Variants in RRM1 observed in about 807,000 individuals in gnomAD.
The protein encoded by RRM1 is ribonucleotide reductase catalytic subunit M1, also known as ribonucleoside-diphosphate reductase large subunit.
RRM1 carries 19 observed loss-of-function variants against 101.5 expected under a neutral mutation model. The ratio of observed to expected loss-of-function variants is 0.19; its 90% CI spans 0.13 to 0.27. The LOEUF is 0.27. Ranked by LOEUF, RRM1 falls within the 10% of genes least tolerant of loss-of-function variation. The pLI is 1.00. For missense variants in RRM1, 500 were observed against 962.9 expected, an observed-to-expected ratio of 0.52 and a Z score of 6.36; for synonymous variants, 298 against 323.4, an observed-to-expected ratio of 0.92 and a Z score of 0.84.
At chr11:4,106,325 G>A (rs1348415305) in intron 3 of RRM1, 102 bp downstream of exon 3, 5 of 1,052,374 alleles carry the variant, frequency 4.8e-6, no homozygotes, top group African/African-American at 4.7e-5. Flanking sequence ...ATGGCTAGAT[G>A]GGGTGGCTTA....
chr11:4,109,387 C>T (rs906870258), intron 4 of RRM1, among the ~76,000 whole-genome samples: 1 of 151,940 alleles, frequency 6.6e-6, no homozygotes, highest in Non-Finnish European at 1.5e-5. Context: ...TTTAATCTCA[C>T]AACATATATT....
chr11:4,094,836 A>G lies in RRM1; in HGVS notation c.-177A>G. ...CACGGGTGGCGGGCGCGGGAAGGGG[A>G]TTTGGATTGTTGCGCCTCTGCTCTG... On this transcript the variant is annotated 5_prime_UTR_variant, in exon 1 of 19. Coordinates refer to ENST00000300738, the MANE Select transcript of RRM1 (RefSeq NM_001033.5). 1.5e-6 allele frequency: 1 copy of G among 646,264 alleles called. No homozygotes were observed. The highest frequency in any genetic ancestry group is 1.9e-5 in the South Asian group (1 of 51,936). 40.0% of individuals were successfully genotyped at this position (646,264 alleles called of 1,614,324 possible). A position where few individuals can be genotyped will look rare whatever the true frequency, so the allele number is the denominator to read the frequency against.
chr11:4,107,665 T>C (rs2094560090), intron 4 of RRM1, 130 bp downstream of exon 4: 2 of 619,888 alleles, frequency 3.2e-6, no homozygotes, highest in Non-Finnish European at 5.7e-6. Flanking sequence ...GATTCCTGAT[T>C]TTCCTCTCTA....
At chr11:4,123,850 A>G (rs2094585472) in intron 12 of RRM1, among the ~76,000 whole-genome samples, 1 of 152,166 alleles carries the variant, frequency 6.6e-6, no homozygotes, top group Admixed American at 6.5e-5. Context: ...CAACAAAAGT[A>G]TGTAAGCTTA....
intron 5 of RRM1, among the ~76,000 whole-genome samples, chr11:4,110,815 C>G (rs2094564374): frequency 6.6e-6 from 1 of 150,992 alleles, no homozygotes; most frequent in Non-Finnish European, 1.5e-5. Context: ...AGGCACTGCT[C>G]TAAACAACAT....
chr11:4,101,569 G>A lies in RRM1; in HGVS notation c.20-424G>A, dbSNP rs568122103. On this transcript the variant is annotated intron_variant, in intron 1 of 18. Coordinates refer to ENST00000300738, the MANE Select transcript of RRM1 (RefSeq NM_001033.5). ...CCTCCAGTGATCCACACCCCCCCCC[G>A]CTCCCTTGGCCTCCCAAAGTGCTGG... is the stretch of plus-strand genomic sequence containing the variant. Among the ~76,000 whole-genome samples, 17 of 72,106 alleles carry A rather than the reference G, an allele frequency of 2.4e-4. 1 individual carries two copies. In the East Asian group the frequency reaches 5.7e-3, roughly 24 times the overall value. 47.3% of individuals were successfully genotyped at this position (72,106 alleles called of 152,430 possible).
chr11:4,114,212 T>C (rs1490292089), intron 7 of RRM1, among the ~76,000 whole-genome samples: 1 of 151,882 alleles, frequency 6.6e-6, no homozygotes, highest in African/African-American at 2.4e-5. Context: ...ATAGAGCTTG[T>C]AGGACTGAAA....
chr11:4,108,690 G>A (rs1275530395), intron 4 of RRM1, among the ~76,000 whole-genome samples: 3 of 151,112 alleles, frequency 2.0e-5, no homozygotes, highest in Admixed American at 1.3e-4. Context: ...TGAGTTGTTT[G>A]TGTGTTGTTA....
At chr11:4,111,762 G>A (rs2094565912) in intron 6 of RRM1, 122 bp downstream of exon 6, 2 of 1,205,880 alleles carry the variant, frequency 1.7e-6, no homozygotes, top group Non-Finnish European at 2.3e-6. Context: ...TTTAGGTTTA[G>A]TTTGTGGATA....
At chr11:4,134,994 GAA>G in intron 17 of RRM1, 86 bp from the exon 18 acceptor site, 1 of 972,022 alleles carries the variant, frequency 1.0e-6, no homozygotes, top group Non-Finnish European at 1.5e-6. Flanking sequence ...GAAGTAAAAT[GAA>G]GATCAAAGCT....
intron 15 of RRM1, among the ~76,000 whole-genome samples, chr11:4,130,723 T>C (rs2094598660): frequency 6.6e-6 from 1 of 152,160 alleles, no homozygotes; most frequent in Non-Finnish European, 1.5e-5. Flanking sequence ...CTGAGACTTG[T>C]TATTTAGTGA....
Position 4,105,636 on chromosome 11 carries a change from A to G in RRM1, c.109-410A>G, listed in dbSNP as rs1403584308. The G allele has an allele frequency of 1.3e-5, 5 of 388,928 alleles. 1 individual carries two copies. Among genetic ancestry groups the G allele is most frequent in the South Asian group, 8.8e-5 (5 of 57,072 alleles). The allele number at this position is 388,928 out of a possible 1,614,324, so 24.1% of individuals were successfully genotyped here. A position where few individuals can be genotyped will look rare whatever the true frequency, so the allele number is the denominator to read the frequency against. On this transcript the variant is annotated intron_variant, in intron 2 of 18. Transcript: ENST00000300738. Reference sequence around the variant, plus strand: ...CACTCTGCCACCCAGGCTGGAGTGCAGTGGCATAATCACAGCTCATTGCAG... The same window carrying G: ...CACTCTGCCACCCAGGCTGGAGTGCGGTGGCATAATCACAGCTCATTGCAG...
chr11:4,129,505 C>G (rs1446249243), intron 15 of RRM1, among the ~76,000 whole-genome samples: 2 of 151,056 alleles, frequency 1.3e-5, no homozygotes, highest in Non-Finnish European at 2.9e-5. Flanking sequence ...TATTTATTTC[C>G]CAATTTAGTT....
chr11:4,126,950 G>A lies in RRM1; in HGVS notation c.1471-85G>A, dbSNP rs72555791. The A allele has an allele frequency of 2.0e-3, 2,858 of 1,423,372 alleles. 45 individuals are homozygous for A. The African/African-American group carries it at 0.034, about 17-fold the overall frequency. The allele number at this position is 1,423,372 out of a possible 1,614,324, so 88.2% of individuals were successfully genotyped here. A position where few individuals can be genotyped will look rare whatever the true frequency, so the allele number is the denominator to read the frequency against. On this transcript the variant is annotated intron_variant, in intron 13 of 18. Transcript: ENST00000300738. The stretch of plus-strand genomic sequence containing the variant: ...TCAATAAAATGGTTTGAGAAAAAGA[G>A]GTAGTCTGTCTCATTTGGTACAGAA...
intron 8 of RRM1, 150 bp from the exon 9 acceptor site, chr11:4,119,695 T>G: frequency 1.6e-6 from 1 of 627,762 alleles, no homozygotes; most frequent in Non-Finnish European, 2.8e-6. Flanking sequence ...TTGGGCATTT[T>G]TCCAAAGCAG....
In RRM1 at chr11:4,119,995, A is replaced by G. The variant is rs564846135; in HGVS notation, c.876+67A>G. On this transcript the variant is annotated intron_variant, in intron 9 of 18. Transcript: ENST00000300738. ...GGTGATTTAGTCATATACACTTAAG[A>G]TGGTTCATTTATGTGTAGTTTCTAA... The G allele has an allele frequency of 7.1e-5, 66 of 930,032 alleles. No individual in the cohort carries two copies. The African/African-American group carries it at 9.7e-4, about 14-fold the overall frequency. 57.6% of individuals were successfully genotyped at this position (930,032 alleles called of 1,614,324 possible).
chr11:4,101,964 A>T (rs1268394729), intron 1 of RRM1, 29 bp from the exon 2 acceptor site: 1 of 1,185,730 alleles, frequency 8.4e-7, no homozygotes, highest in African/African-American at 1.5e-5. Flanking sequence ...CATGAATTTA[A>T]TAATTGCTAA....
chr11:4,122,030 G>A (rs2094582642), intron 10 of RRM1, 111 bp from the exon 11 acceptor site: 2 of 854,526 alleles, frequency 2.3e-6, no homozygotes, highest in Non-Finnish European at 3.6e-6. Flanking sequence ...TATTTCTACA[G>A]CAAATTTCCA....
chr11:4,133,526 A>C lies in RRM1; in HGVS notation c.1906-37A>C, dbSNP rs1253678722. 2.3e-6 allele frequency: 3 copies of C among 1,303,598 alleles called. No individual in the cohort carries two copies. The Admixed American group carries it at 5.3e-5, about 23-fold the overall frequency. The allele number at this position is 1,303,598 out of a possible 1,614,324, so 80.8% of individuals were successfully genotyped here. ...TAGTCTTTTCTAAGCAGTCACTGTT[A>C]TTTATTTCTTCATACATTTTCTGCT... On this transcript the variant is annotated intron_variant, in intron 16 of 18. Coordinates refer to ENST00000300738, the MANE Select transcript of RRM1 (RefSeq NM_001033.5).
Sources: allele counts gnomAD v4.1 joint callset (sites outside exome capture counted in the v4.1 genomes callset), GRCh38; gene constraint gnomAD v4.1.1; transcripts MANE v1.5; gene names NCBI Gene and HGNC (gene_info 2026-07-23, HGNC 2026-07-21).